Variants in TRPM3 observed in about 807,000 individuals in gnomAD.
TRPM3 encodes the protein long transient receptor potential channel 3.
Under a neutral mutation model 181.2 loss-of-function variants are expected in TRPM3, and 77 were observed. That is an observed-to-expected ratio of 0.42 (90% CI 0.35 to 0.51). The LOEUF is 0.51. Ranked by LOEUF, TRPM3 falls within the 20% of genes least tolerant of loss-of-function variation. The pLI is 0.01. For missense variants in TRPM3, 1,759 were observed against 2,196.7 expected, an observed-to-expected ratio of 0.80 and a Z score of 3.98; for synonymous variants, 745 against 796.4, an observed-to-expected ratio of 0.94 and a Z score of 1.09.
intron 18 of TRPM3, among the ~76,000 whole-genome samples, chr9:70,613,910 A>G (rs2062364221): frequency 6.6e-6 from 1 of 152,082 alleles, no homozygotes; most frequent in Non-Finnish European, 1.5e-5. Flanking sequence ...GAGAATGCTG[A>G]TTCAGTTTCT....
Position 71,058,814 on chromosome 9 carries a change from G to A in TRPM3, c.177+62364C>T, listed in dbSNP as rs574566326. 2.5e-3 allele frequency among the ~76,000 whole-genome samples: 383 copies of A among 151,924 alleles called. 1 individual carries two copies. The highest frequency in any genetic ancestry group is 4.0e-3 in the Non-Finnish European group (274 of 67,922). On this transcript the variant is annotated intron_variant, in intron 1 of 25. Coordinates refer to ENST00000677713, the MANE Select transcript of TRPM3 (RefSeq NM_001366145.2). ...AACAGTTGAGTTTCAGCCAATCACA[G>A]GCAGCCAATTTATCACACCATGGTA...
At chr9:71,397,454 C>A (rs2093228100) in intron 1 of TRPM3, among the ~76,000 whole-genome samples, 1 of 152,074 alleles carries the variant, frequency 6.6e-6, no homozygotes. Flanking sequence ...CTTTGACACC[C>A]TAAGTTCTGT....
intron 1 of TRPM3, among the ~76,000 whole-genome samples, chr9:71,305,603 T>C (rs1030878472): frequency 2.0e-5 from 3 of 152,200 alleles, no homozygotes; most frequent in African/African-American, 7.2e-5. Flanking sequence ...TGTTTTGTTT[T>C]GCTTATACAA....
chr9:71,121,105 C>A, intron 1 of TRPM3, 73 bp downstream of exon 1: 1 of 1,493,570 alleles, frequency 6.7e-7, no homozygotes. Context: ...TGCGTCCCAG[C>A]CCAAGTCCCC....
chr9:71,059,230 G>C lies in TRPM3; in HGVS notation c.177+61948C>G, dbSNP rs187220187. 4.6e-5 allele frequency among the ~76,000 whole-genome samples: 7 copies of C among 151,550 alleles called. No individual in the cohort carries two copies. The East Asian group carries it at 1.4e-3, about 30-fold the overall frequency. ...TCCTCACCCTCTTGCCTACAATCTC[G>C]GGATTTCCCTTGTTGCCAGGCTCCC... On this transcript the variant is annotated intron_variant, in intron 1 of 25. Coordinates refer to ENST00000677713, the MANE Select transcript of TRPM3 (RefSeq NM_001366145.2).
intron 1 of TRPM3, among the ~76,000 whole-genome samples, chr9:71,374,490 C>A (rs574704630): frequency 6.6e-5 from 10 of 152,238 alleles, no homozygotes; most frequent in Admixed American, 6.5e-4. Context: ...GGCCAATATC[C>A]TACTGAATGG....
At chr9:71,180,011 A>AT (rs2077306948) in intron 1 of TRPM3, among the ~76,000 whole-genome samples, 1 of 150,230 alleles carries the variant, frequency 6.7e-6, no homozygotes, top group Non-Finnish European at 1.5e-5. Flanking sequence ...TTGGTTTTAC[A>AT]TTACACAATA....
intron 11 of TRPM3, 105 bp downstream of exon 11, chr9:70,638,955 C>T: frequency 1.6e-6 from 2 of 1,278,574 alleles, no homozygotes; most frequent in Non-Finnish European, 2.2e-6. Flanking sequence ...ATGAACCATG[C>T]ATTTGGACGG....
intron 6 of TRPM3, among the ~76,000 whole-genome samples, chr9:70,811,886 TTC>T (rs1189242430): frequency 6.6e-6 from 1 of 152,188 alleles, no homozygotes; most frequent in Non-Finnish European, 1.5e-5. Flanking sequence ...TGATTCCTCT[TTC>T]TCTCTCTGGC....
rs961299058 is a variant in TRPM3, at chr9:70,533,047, G to A, written c.*2906C>T. The A allele has an allele frequency of 3.3e-5, 5 of 152,198 alleles. No homozygotes were observed. The highest frequency in any genetic ancestry group is 9.7e-5 in the African/African-American group (4 of 41,450). The allele number at this position is 152,198 out of a possible 1,614,324, so 9.4% of individuals were successfully genotyped here. A position where few individuals can be genotyped will look rare whatever the true frequency, so the allele number is the denominator to read the frequency against. On this transcript the variant is annotated 3_prime_UTR_variant, in exon 26 of 26. Transcript: ENST00000677713. ...TAAGTTTGGCTTATATATTTCACAC[G>A]TTTCACAGACGTTAGAACTTAATTT...
chr9:71,237,660 T>G (rs2081436302), intron 1 of TRPM3, among the ~76,000 whole-genome samples: 1 of 152,218 alleles, frequency 6.6e-6, no homozygotes, highest in African/African-American at 2.4e-5. Context: ...TGGCAGATTT[T>G]CAGCTTCATA....
Position 70,536,192 on chromosome 9 carries a change from C to G in TRPM3, c.4921G>C (p.Val1641Leu). The G allele has an allele frequency of 6.2e-7, 1 of 1,614,202 alleles. No individual in the cohort carries two copies. The highest frequency in any genetic ancestry group is 8.5e-7 in the Non-Finnish European group (1 of 1,180,036). Residue 1641 changes from valine (V) to leucine (L), a missense_variant, in exon 26 of 26, where the codon GTT becomes CTT. Transcript: ENST00000677713. ...CTGTTGGCGCGCTCTATCTTGGGAA[C>G]AGTGATGTTGTTGGACAGGGTTCTC... Reference protein sequence around the residue: ...SERTLSNNITVPKIERANSYS... With the variant: ...SERTLSNNITLPKIERANSYS...
intron 1 of TRPM3, among the ~76,000 whole-genome samples, chr9:71,090,795 C>T (rs1021368064): frequency 6.6e-6 from 1 of 152,044 alleles, no homozygotes; most frequent in Non-Finnish European, 1.5e-5. Context: ...TAATGACTAC[C>T]TACTTCATGG....
At chr9:71,211,346 C>A (rs2079488965) in intron 1 of TRPM3, among the ~76,000 whole-genome samples, 1 of 138,640 alleles carries the variant, frequency 7.2e-6, no homozygotes, top group Admixed American at 8.3e-5. Flanking sequence ...TGTTACTGTT[C>A]TTTTATATGA....
chr9:70,882,458 A>G (rs575036995), intron 1 of TRPM3, among the ~76,000 whole-genome samples: 33 of 152,240 alleles, frequency 2.2e-4, no homozygotes, highest in Non-Finnish European at 4.0e-4. Flanking sequence ...TAGAATACCC[A>G]CAAAACTGCA....
intron 1 of TRPM3, among the ~76,000 whole-genome samples, chr9:71,224,208 T>C (rs2080434895): frequency 1.3e-5 from 2 of 152,216 alleles, no homozygotes; most frequent in African/African-American, 2.4e-5. Context: ...AGAAATTCCA[T>C]TTGTTTGAGA....
chr9:70,689,871 C>CATAG (rs2068015636), intron 8 of TRPM3, among the ~76,000 whole-genome samples: 2 of 152,100 alleles, frequency 1.3e-5, no homozygotes, highest in Admixed American at 6.6e-5. Context: ...AATAACAAGA[C>CATAG]ATAGTATATG....
intron 1 of TRPM3, among the ~76,000 whole-genome samples, chr9:71,169,746 G>A (rs1249432841): frequency 6.6e-6 from 1 of 152,004 alleles, no homozygotes; most frequent in Non-Finnish European, 1.5e-5. Context: ...CCTGAGGTAA[G>A]GAGTTCGAGA....
intron 1 of TRPM3, among the ~76,000 whole-genome samples, chr9:71,249,259 T>C (rs543865318): frequency 2.0e-5 from 3 of 152,306 alleles, no homozygotes; most frequent in Non-Finnish European, 4.4e-5. Flanking sequence ...GAAAAATTAC[T>C]AGCCCTTAAG....
Sources: gnomAD v4.1 joint callset for allele counts (sites outside exome capture counted in the v4.1 genomes callset) on GRCh38, gnomAD v4.1.1 for gene constraint, MANE v1.5 for transcripts, NCBI Gene and HGNC (gene_info 2026-07-23, HGNC 2026-07-21) for gene names.